Variants in LEMD3 observed in about 807,000 individuals in gnomAD.
LEMD3 encodes the protein inner nuclear membrane protein Man1.
In LEMD3, 33 loss-of-function variants were observed where a neutral mutation model predicts 95.2. The ratio of observed to expected loss-of-function variants is 0.35; its 90% CI spans 0.26 to 0.46. The LOEUF is 0.46. Among genes scored for constraint, LEMD3 ranks in the 20% least tolerant of loss-of-function variants. The probability of loss-of-function intolerance (pLI) is 1.00; values close to 1 mark genes in which losing one functional copy is unlikely to be tolerated. For missense variants in LEMD3, 1,210 were observed against 1,192.8 expected (o/e 1.01, Z -0.21); for synonymous variants, 525 against 474.6 (o/e 1.11, Z -1.38).
Position 65,241,063 on chromosome 12 carries a change from C to A in LEMD3, c.2281C>A (p.Pro761Thr). The change falls in exon 9 of 13, where the codon CCT (proline) becomes ACT (threonine). Residue 761 changes from proline (P) to threonine (T), a missense_variant. Transcript: ENST00000308330. ...ATCCTGTGACAAAATATTAGTTATACCTTCTAAAGTATGGCAAGGTCAAGG... is the reference window on the plus strand; with the variant it reads ...ATCCTGTGACAAAATATTAGTTATAACTTCTAAAGTATGGCAAGGTCAAGG... ...SASCDKILVI[P>T]SKVWQGQAFH... is the part of the protein sequence containing the mutation. 1 of 1,613,782 alleles carries A rather than the reference C, an allele frequency of 6.2e-7. No individual in the cohort carries two copies. The highest frequency in any genetic ancestry group is 8.5e-7 in the Non-Finnish European group (1 of 1,179,788).
chr12:65,174,214 T>G (rs535446147), intron 1 of LEMD3, among the ~76,000 whole-genome samples: 1 of 152,284 alleles, frequency 6.6e-6, no homozygotes, highest in Non-Finnish European at 1.5e-5. Flanking sequence ...CCCTATTTTT[T>G]TATTAATTAA....
chr12:65,188,044 T>G (rs1347381151), intron 1 of LEMD3, among the ~76,000 whole-genome samples: 1 of 152,110 alleles, frequency 6.6e-6, no homozygotes. Flanking sequence ...AAAACTGTTT[T>G]CTGGCAGATT....
At chr12:65,205,696 C>G (rs749224046) in intron 1 of LEMD3, among the ~76,000 whole-genome samples, 1 of 152,020 alleles carries the variant, frequency 6.6e-6, no homozygotes, top group African/African-American at 2.4e-5. Context: ...TTGCCCTTTC[C>G]CTTCTCTTTA....
chr12:65,198,047 T>C (rs960438239), intron 1 of LEMD3, among the ~76,000 whole-genome samples: 1 of 152,166 alleles, frequency 6.6e-6, no homozygotes, highest in Non-Finnish European at 1.5e-5. Flanking sequence ...GCATTGCACA[T>C]CTCCAAATGA....
At chr12:65,226,064 A>G (rs1056064547) in intron 4 of LEMD3, among the ~76,000 whole-genome samples, 1 of 152,072 alleles carries the variant, frequency 6.6e-6, no homozygotes, top group Non-Finnish European at 1.5e-5. Flanking sequence ...GTTTTTCTCA[A>G]CTTTCTTCAT....
chr12:65,206,239 G>A (rs1484985783), intron 1 of LEMD3, among the ~76,000 whole-genome samples: 3 of 152,120 alleles, frequency 2.0e-5, no homozygotes, highest in East Asian at 3.8e-4. Context: ...ACATAAAGAT[G>A]TAATACAGAG....
intron 2 of LEMD3, among the ~76,000 whole-genome samples, chr12:65,214,358 C>T (rs1406225933): frequency 6.6e-6 from 1 of 152,138 alleles, no homozygotes; most frequent in African/African-American, 2.4e-5. Flanking sequence ...AAGATAAGGA[C>T]TGGCTTGATT....
chr12:65,234,718 C>G (rs1592460300), intron 4 of LEMD3, among the ~76,000 whole-genome samples: 1 of 152,044 alleles, frequency 6.6e-6, no homozygotes, highest in African/African-American at 2.4e-5. Context: ...TTTTCTTACC[C>G]TTACTATTTT....
intron 4 of LEMD3, among the ~76,000 whole-genome samples, chr12:65,220,876 A>T (rs1015574777): frequency 2.0e-5 from 3 of 152,182 alleles, no homozygotes; most frequent in Admixed American, 6.5e-5. Context: ...TTGTTGGATC[A>T]TACATCAGTG....
At chr12:65,242,195 G>A (rs191695602) in intron 9 of LEMD3, among the ~76,000 whole-genome samples, 2 of 152,208 alleles carry the variant, frequency 1.3e-5, no homozygotes, top group East Asian at 1.9e-4. Flanking sequence ...TCTTCACTGG[G>A]ATTTGGGGAT....
intron 4 of LEMD3, among the ~76,000 whole-genome samples, chr12:65,231,633 C>T (rs1870632433): frequency 6.6e-6 from 1 of 152,040 alleles, no homozygotes; most frequent in Non-Finnish European, 1.5e-5. Context: ...TGTACCACTA[C>T]ACTCCAGCCT....
chr12:65,207,820 G>A (rs1463119558), intron 1 of LEMD3, among the ~76,000 whole-genome samples: 1 of 150,538 alleles, frequency 6.6e-6, no homozygotes, highest in Non-Finnish European at 1.5e-5. Flanking sequence ...GTATAGATGT[G>A]TTTGCAAGTT....
rs557240508 is a variant in LEMD3 at position 65,189,110 on chromosome 12, A to G, written c.1522+17992A>G. On this transcript the variant is annotated intron_variant, in intron 1 of 12. Coordinates refer to ENST00000308330, the MANE Select transcript of LEMD3 (RefSeq NM_014319.5). Reference sequence around the variant, plus strand: ...AGTTAAGAGATTAAAACAATAACCCAATGATAGAATTGTAGCAATATACTA... The same window carrying G: ...AGTTAAGAGATTAAAACAATAACCCGATGATAGAATTGTAGCAATATACTA... 2.0e-5 allele frequency among the ~76,000 whole-genome samples: 3 copies of G among 152,294 alleles called. No homozygotes were observed. The East Asian group carries it at 5.8e-4, about 29-fold the overall frequency.
intron 1 of LEMD3, among the ~76,000 whole-genome samples, chr12:65,204,140 T>G (rs1869690103): frequency 6.6e-6 from 1 of 152,170 alleles, no homozygotes; most frequent in Non-Finnish European, 1.5e-5. Context: ...CTTAATGTCA[T>G]CAATAGCTTC....
At chr12:65,218,191 G>A (rs911195299) in intron 3 of LEMD3, among the ~76,000 whole-genome samples, 3 of 152,142 alleles carry the variant, frequency 2.0e-5, no homozygotes, top group Admixed American at 6.5e-5. Context: ...TTTCTGGAGG[G>A]CGTCTTGTGT....
intron 2 of LEMD3, among the ~76,000 whole-genome samples, chr12:65,213,543 G>T (rs1317019641): frequency 6.6e-6 from 1 of 152,120 alleles, no homozygotes; most frequent in East Asian, 1.9e-4. Context: ...ATTTTCATTG[G>T]AAAGATAATT....
At chr12:65,171,291 G>T (rs1868543706) in intron 1 of LEMD3, 173 bp downstream of exon 1, 1 of 1,155,036 alleles carries the variant, frequency 8.7e-7, no homozygotes. Context: ...TTATCGAAAT[G>T]ATGTCATATG....
At position 65,198,397 on chromosome 12, in the gene LEMD3, T is replaced by G. The variant is rs562889809; in HGVS notation, c.1523-12529T>G. ...TTTCTGTTCACTTGTCACCATGCAG[T>G]AGGCAGTAGCATAATTATTTAAGTA... On this transcript the variant is annotated intron_variant, in intron 1 of 12. Coordinates refer to ENST00000308330, the MANE Select transcript of LEMD3 (RefSeq NM_014319.5). Among the ~76,000 whole-genome samples the G allele has an allele frequency of 3.3e-5, 5 of 152,262 alleles. No individual in the cohort carries two copies. The East Asian group carries it at 9.6e-4, about 29-fold the overall frequency.
At chr12:65,246,139 A>T in intron 12 of LEMD3, 23 bp from the exon 13 acceptor site, 1 of 1,568,292 alleles carries the variant, frequency 6.4e-7, no homozygotes, top group Non-Finnish European at 8.8e-7. Flanking sequence ...CTGATCTAAA[A>T]TATTATTTTT....
Sources: gnomAD v4.1 joint callset for allele counts (sites outside exome capture counted in the v4.1 genomes callset) on GRCh38, gnomAD v4.1.1 for gene constraint, MANE v1.5 for transcripts, NCBI Gene and HGNC (gene_info 2026-07-23, HGNC 2026-07-21) for gene names.